Variants in GAPVD1 observed in about 807,000 individuals in gnomAD.
The protein encoded by GAPVD1 is GTPase activating protein and VPS9 domains 1, also known as GTPase-activating protein and VPS9 domain-containing protein 1.
GAPVD1 carries 35 observed loss-of-function variants against 155.5 expected under a neutral mutation model. That is an observed-to-expected ratio of 0.23 (90% CI 0.17 to 0.30). The LOEUF (loss-of-function observed/expected upper bound fraction) is 0.30, where lower values mean the gene tolerates loss of function less well. Among genes scored for constraint, GAPVD1 ranks in the 10% least tolerant of loss-of-function variants. The pLI is 1.00. For missense variants in GAPVD1, 1,429 were observed against 1,775.7 expected, an observed-to-expected ratio of 0.80 and a Z score of 3.51; for synonymous variants, 636 against 619.7, an observed-to-expected ratio of 1.03 and a Z score of -0.39.
rs546676450 is a variant in GAPVD1, at chr9:125,313,864, G to A, written c.1602+1252G>A. ...GATCCACCCACCTTGGCCTCCCAAAGTGCTGGGATTACAGGTGTGAATCAC... is the reference window on the plus strand; with the variant it reads ...GATCCACCCACCTTGGCCTCCCAAAATGCTGGGATTACAGGTGTGAATCAC... On this transcript the variant is annotated intron_variant, in intron 9 of 27. Coordinates refer to ENST00000297933, the MANE Select transcript of GAPVD1 (RefSeq NM_001282680.3). Among the ~76,000 whole-genome samples, 6 of 152,358 alleles carry A rather than the reference G, an allele frequency of 3.9e-5. No homozygotes were observed. In the East Asian group the frequency reaches 1.2e-3, roughly 29 times the overall value.
Position 125,337,355 on chromosome 9 carries a change from C to G in GAPVD1, c.2641C>G (p.Pro881Ala). Residue 881 changes from proline (P) to alanine (A), a missense_variant, in exon 17 of 28, where the codon CCA becomes GCA. Transcript: ENST00000297933. Reference protein sequence around the residue: ...LPNFGSHVLTPAEMEAFKQRH... With the variant: ...LPNFGSHVLTAAEMEAFKQRH... ...AAACTTTGGTTCCCATGTTTTAACT[C>G]CAGCTGAAATGGAGGCATTCAAGCA... 6.2e-7 allele frequency: 1 copy of G among 1,614,156 alleles called. No homozygotes were observed. Among genetic ancestry groups the G allele is most frequent in the Non-Finnish European group, 8.5e-7 (1 of 1,180,022 alleles).
Position 125,292,046 on chromosome 9 carries a change from T to G in GAPVD1, c.-149-3412T>G, listed in dbSNP as rs12237101. ...TGCTTGAGCCCAAGAGTTTGAGACCTGAGCAACATGGTGAGACTCTGTCTC... is the reference window on the plus strand; with the variant it reads ...TGCTTGAGCCCAAGAGTTTGAGACCGGAGCAACATGGTGAGACTCTGTCTC... On this transcript the variant is annotated intron_variant, in intron 2 of 27. Transcript: ENST00000297933. 3.8e-4 allele frequency among the ~76,000 whole-genome samples: 58 copies of G among 152,088 alleles called. 1 individual carries two copies. In the East Asian group the frequency reaches 9.3e-3, roughly 24 times the overall value.
chr9:125,263,016 A>C (rs143641870), intron 1 of GAPVD1, among the ~76,000 whole-genome samples: 1 of 152,322 alleles, frequency 6.6e-6, no homozygotes, highest in Non-Finnish European at 1.5e-5. Context: ...ATTTAATGTG[A>C]TAATAAGGCT....
Position 125,307,714 on chromosome 9 carries a change from G to A in GAPVD1, c.1275G>A (p.Met425Ile). Residue 425 changes from methionine (M) to isoleucine (I), a missense_variant, in exon 8 of 28, where the codon ATG becomes ATA. Around this residue, in one of 4 missense-constraint regions of GAPVD1, gnomAD observed 628 missense variants for 733.4 expected, o/e 0.86. Coordinates refer to ENST00000297933, the MANE Select transcript of GAPVD1 (RefSeq NM_001282680.3). ...ITLVNFMKSV[M>I]SGDQLREDRM... ...AGGTGAATTTTATGAAGAGTGTGAT[G>A]TCTGGAGATCAACTGAGAGAAGATA... 6.2e-7 allele frequency: 1 copy of A among 1,613,902 alleles called. No individual in the cohort carries two copies. Among genetic ancestry groups the A allele is most frequent in the Non-Finnish European group, 8.5e-7 (1 of 1,179,804 alleles).
chr9:125,280,774 A>G (rs1836664489), intron 2 of GAPVD1, among the ~76,000 whole-genome samples: 1 of 151,334 alleles, frequency 6.6e-6, no homozygotes, highest in East Asian at 2.0e-4. Flanking sequence ...ATGGGGTTTC[A>G]CTGTGTTAGC....
chr9:125,263,442 C>T (rs926939821), intron 1 of GAPVD1: 3 of 541,628 alleles, frequency 5.5e-6, no homozygotes, highest in East Asian at 3.7e-5. Context: ...AGCGAGACTC[C>T]GTCTCAAAAA....
chr9:125,293,779 T>A (rs1299975954), intron 2 of GAPVD1, among the ~76,000 whole-genome samples: 2 of 127,514 alleles, frequency 1.6e-5, no homozygotes, highest in Non-Finnish European at 3.2e-5. Flanking sequence ...TTATATATAA[T>A]ATAAAATAAA....
intron 1 of GAPVD1, among the ~76,000 whole-genome samples, chr9:125,262,226 GGAAGGGACAGGAGGA>G (rs1833039679): frequency 6.6e-6 from 1 of 152,174 alleles, no homozygotes; most frequent in South Asian, 2.1e-4. Flanking sequence ...GGATGGGATG[GGAAGGGACAGGAGGA>G]CCGCGGGGCG....
chr9:125,289,877 A>G (rs998300338), intron 2 of GAPVD1, among the ~76,000 whole-genome samples: 1 of 152,174 alleles, frequency 6.6e-6, no homozygotes, highest in Non-Finnish European at 1.5e-5. Context: ...CCTTGGGGTA[A>G]TTTATCCAGT....
At chr9:125,347,059 A>G (rs1198530747) in intron 20 of GAPVD1, 118 bp downstream of exon 20, 6 of 934,628 alleles carry the variant, frequency 6.4e-6, no homozygotes, top group South Asian at 1.6e-5. Context: ...TACTACCTCA[A>G]AATTACAGAC....
Position 125,347,120 on chromosome 9 carries a change from C to A in GAPVD1, c.3169+179C>A, listed in dbSNP as rs78676280. ...GTCCTTCTCTGGATTCTCCCACTAG[C>A]CCTGGGTACCCCTGAATGTTCAAAT... On this transcript the variant is annotated intron_variant, in intron 20 of 27. Transcript: ENST00000297933. 1.7e-3 allele frequency: 1,064 copies of A among 633,836 alleles called. 13 individuals are homozygous for A. In the African/African-American group the frequency reaches 0.017, roughly 10 times the overall value. 39.3% of individuals were successfully genotyped at this position (633,836 alleles called of 1,614,324 possible).
intron 3 of GAPVD1, among the ~76,000 whole-genome samples, chr9:125,296,358 GT>G (rs1554758517): frequency 4.8e-4 from 58 of 121,734 alleles, no homozygotes; most frequent in South Asian, 9.9e-4. Flanking sequence ...TAGTTCTTAG[GT>G]TTTTTTTTTT....
intron 17 of GAPVD1, among the ~76,000 whole-genome samples, chr9:125,340,228 C>T (rs985453262): frequency 1.3e-5 from 2 of 152,158 alleles, no homozygotes; most frequent in Non-Finnish European, 2.9e-5. Flanking sequence ...ACCTTGTTGG[C>T]CGGGCTGTTC....
At chr9:125,339,280 A>T (rs531215277) in intron 17 of GAPVD1, among the ~76,000 whole-genome samples, 3 of 152,066 alleles carry the variant, frequency 2.0e-5, no homozygotes, top group African/African-American at 7.2e-5. Flanking sequence ...TGAGCCACCC[A>T]CAGTGCCTGG....
In GAPVD1 at chr9:125,339,598, A is replaced by T. The variant is rs116867405; in HGVS notation, c.2878-1579A>T. The stretch of plus-strand genomic sequence containing the variant: ...TTGCTGCTCCCAGGACTACTCAGTG[A>T]ATAGAGCTAGGGAGTGTGTGTGTTA... On this transcript the variant is annotated intron_variant, in intron 17 of 27. Transcript: ENST00000297933. 7.1e-3 allele frequency among the ~76,000 whole-genome samples: 1,085 copies of T among 152,308 alleles called. 7 individuals carry two copies. Among genetic ancestry groups the T allele is most frequent in the Non-Finnish European group, 0.011 (769 of 68,026 alleles).
chr9:125,317,446 A>G (rs375445090), intron 9 of GAPVD1, among the ~76,000 whole-genome samples: 75 of 151,368 alleles, frequency 5.0e-4, no homozygotes, highest in Admixed American at 4.6e-4. Flanking sequence ...AGCAACATGG[A>G]GAAACCCTGT....
chr9:125,269,476 G>T (rs1021279188), intron 2 of GAPVD1, among the ~76,000 whole-genome samples: 2 of 151,582 alleles, frequency 1.3e-5, no homozygotes, highest in Non-Finnish European at 2.9e-5. Context: ...TCGTTTTCAG[G>T]ATATTTTAGT....
At chr9:125,301,323 G>GA (rs1840821973) in intron 4 of GAPVD1, among the ~76,000 whole-genome samples, 1 of 152,026 alleles carries the variant, frequency 6.6e-6, no homozygotes, top group African/African-American at 2.4e-5. Flanking sequence ...TCCCACCTTG[G>GA]CCTCCCAAAG....
At chr9:125,328,963 C>T (rs1181449034) in intron 12 of GAPVD1, among the ~76,000 whole-genome samples, 1 of 152,230 alleles carries the variant, frequency 6.6e-6, no homozygotes, top group African/African-American at 2.4e-5. Flanking sequence ...GAAACCCCGT[C>T]TCCACCAAAA....
Sources: allele counts gnomAD v4.1 joint callset (sites outside exome capture counted in the v4.1 genomes callset), GRCh38; gene constraint gnomAD v4.1.1; regional missense constraint gnomAD v4.1.1; transcripts MANE v1.5; gene names NCBI Gene and HGNC (gene_info 2026-07-23, HGNC 2026-07-21).